The following MACROD1 variants were observed in gnomAD, a reference collection of about 807,000 sequenced individuals.
The protein encoded by MACROD1 is ADP-ribose glycohydrolase MACROD1.
MACROD1 carries 31 observed loss-of-function variants against 41.4 expected under a neutral mutation model. The ratio of observed to expected loss-of-function variants is 0.75; its 90% CI spans 0.56 to 1.01. The LOEUF is 1.01. MACROD1 is among the 50% of genes least tolerant of loss of function. The probability of loss-of-function intolerance (pLI) is 0.00; values close to 1 mark genes in which losing one functional copy is unlikely to be tolerated. For synonymous variants in MACROD1, 252 were observed against 203.4 expected (o/e 1.24, Z -2.03); for missense variants, 473 against 460.0 (o/e 1.03, Z -0.26).
intron 3 of MACROD1, among the ~76,000 whole-genome samples, chr11:64,089,803 C>T (rs139369562): frequency 2.0e-5 from 3 of 152,224 alleles, no homozygotes; most frequent in South Asian, 2.1e-4. Context: ...CTCCTAATGC[C>T]AGTCTCTGTG....
rs573826336 is a variant in MACROD1 at position 64,078,403 on chromosome 11, C to A, written c.518-63122G>T. Among the ~76,000 whole-genome samples, 3 of 152,352 alleles carry A rather than the reference C, an allele frequency of 2.0e-5. No homozygotes were observed. The South Asian group carries it at 6.2e-4, about 32-fold the overall frequency. ...AGGGGGCTGAACGGCTGCAGAATTA[C>A]AATATTAAATGCAGCTGCACCGAAA... On this transcript the variant is annotated intron_variant, in intron 3 of 10. Transcript: ENST00000255681.
intron 3 of MACROD1, among the ~76,000 whole-genome samples, chr11:64,060,157 T>C (rs1288887410): frequency 6.6e-6 from 1 of 152,248 alleles, no homozygotes; most frequent in East Asian, 1.9e-4. Flanking sequence ...TGAATGAATA[T>C]TTAAGGCGCG....
rs1175440566 is a variant in MACROD1, at chr11:64,036,862, C to T, written c.518-21581G>A. On this transcript the variant is annotated intron_variant, in intron 3 of 10. Transcript: ENST00000255681. The surrounding 1 kb of genome is among the most constrained non-coding windows in gnomAD (Gnocchi z 5.6). ...AAGGAGGCGGCCCGACCCGGCGGCG[C>T]ACGCCCCTCCTCGCGGGCACTGGAG... 6.6e-6 allele frequency among the ~76,000 whole-genome samples: 1 copy of T among 152,144 alleles called. No individual in the cohort carries two copies. The highest frequency in any genetic ancestry group is 1.5e-5 in the Non-Finnish European group (1 of 68,014).
At chr11:64,110,190 G>A (rs1458649343) in intron 3 of MACROD1, among the ~76,000 whole-genome samples, 1 of 152,114 alleles carries the variant, frequency 6.6e-6, no homozygotes, top group East Asian at 1.9e-4. Flanking sequence ...TGGCTCACGC[G>A]TATAATCTCA....
intron 3 of MACROD1, among the ~76,000 whole-genome samples, chr11:64,059,349 C>T (rs746230799): frequency 1.4e-4 from 21 of 152,274 alleles, no homozygotes; most frequent in Non-Finnish European, 2.6e-4. Flanking sequence ...GGAGGCGTTG[C>T]GGGCTTATCC....
At position 64,063,163 on chromosome 11, in the gene MACROD1, G is replaced by A. The variant is rs186178304; in HGVS notation, c.518-47882C>T. Reference sequence around the variant, plus strand: ...GGTGATCAAAGGCACAGATGCAGGAGCTGGGTGTGTTAAGGCTCTGTGCGC... The same window carrying A: ...GGTGATCAAAGGCACAGATGCAGGAACTGGGTGTGTTAAGGCTCTGTGCGC... On this transcript the variant is annotated intron_variant, in intron 3 of 10. Coordinates refer to ENST00000255681, the MANE Select transcript of MACROD1 (RefSeq NM_014067.4). Among the ~76,000 whole-genome samples the A allele has an allele frequency of 3.0e-3, 453 of 152,304 alleles. 5 individuals are homozygous for A. The highest frequency in any genetic ancestry group is 0.01 in the African/African-American group (419 of 41,556).
At chr11:64,000,940 C>A (rs1031485015) in intron 4 of MACROD1, among the ~76,000 whole-genome samples, 1 of 152,208 alleles carries the variant, frequency 6.6e-6, no homozygotes, top group African/African-American at 2.4e-5. Flanking sequence ...GTCTTCCAGC[C>A]GCGCGGGGAG....
chr11:64,034,881 T>G (rs1943344377), intron 3 of MACROD1, among the ~76,000 whole-genome samples: 1 of 152,054 alleles, frequency 6.6e-6, no homozygotes, highest in Non-Finnish European at 1.5e-5. Context: ...CAGGCCAGGC[T>G]GGGTATATGG....
At chr11:64,118,065 T>C in intron 3 of MACROD1, 1 of 1,612,976 alleles carries the variant, frequency 6.2e-7, no homozygotes, top group Non-Finnish European at 8.5e-7. Context: ...AAAGGATGAC[T>C]ATATGGAGTC....
intron 3 of MACROD1, among the ~76,000 whole-genome samples, chr11:64,075,435 T>C (rs983032527): frequency 6.6e-6 from 1 of 152,244 alleles, no homozygotes; most frequent in African/African-American, 2.4e-5. Flanking sequence ...ATTTTACAGA[T>C]GGAAGCAACC....
At chr11:64,103,263 G>A (rs900142046) in intron 3 of MACROD1, 1 of 152,150 alleles carries the variant, frequency 6.6e-6, no homozygotes, top group African/African-American at 2.4e-5. Flanking sequence ...AGTGAAGCGG[G>A]AATAACTCAT....
chr11:64,040,755 G>C (rs1399600424), intron 3 of MACROD1, among the ~76,000 whole-genome samples: 1 of 152,156 alleles, frequency 6.6e-6, no homozygotes, highest in Non-Finnish European at 1.5e-5. Context: ...GAATGTTCCC[G>C]GTGCAGGGAA....
chr11:64,144,576 A>G (rs1298961802), intron 3 of MACROD1, among the ~76,000 whole-genome samples: 1 of 152,204 alleles, frequency 6.6e-6, no homozygotes, highest in Admixed American at 6.5e-5. Context: ...GGCACCGGAA[A>G]GTGGCCCGGC....
At chr11:64,071,969 G>A (rs112129090) in intron 3 of MACROD1, among the ~76,000 whole-genome samples, 29 of 152,312 alleles carry the variant, frequency 1.9e-4, no homozygotes, top group African/African-American at 6.5e-4. Flanking sequence ...CTCAGCTGCC[G>A]AGGGGAACGG....
chr11:64,113,756 G>T (rs1052721683), intron 3 of MACROD1, among the ~76,000 whole-genome samples: 1 of 146,522 alleles, frequency 6.8e-6, no homozygotes, highest in African/African-American at 2.5e-5. Flanking sequence ...ATGGATGGAC[G>T]GACAGGTAAA....
At chr11:64,109,713 T>C (rs750139904) in intron 3 of MACROD1, among the ~76,000 whole-genome samples, 9 of 152,050 alleles carry the variant, frequency 5.9e-5, no homozygotes, top group Non-Finnish European at 1.3e-4. Context: ...AGGGGATGGT[T>C]GATGGCCCCA....
At chr11:64,060,498 C>A (rs1943878730) in intron 3 of MACROD1, 1 of 152,250 alleles carries the variant, frequency 6.6e-6, no homozygotes. Context: ...TCACAGATGC[C>A]TGGCGGCTCC....
At chr11:64,039,282 G>C (rs541827888) in intron 3 of MACROD1, among the ~76,000 whole-genome samples, 20 of 152,316 alleles carry the variant, frequency 1.3e-4, no homozygotes, top group African/African-American at 4.6e-4. Flanking sequence ...ATAGTGGGGT[G>C]GGTGGGGACT....
At chr11:64,119,430 C>G (rs530877252) in intron 3 of MACROD1, among the ~76,000 whole-genome samples, 11 of 152,328 alleles carry the variant, frequency 7.2e-5, no homozygotes, top group Non-Finnish European at 1.0e-4. Flanking sequence ...CTCCCTCCCC[C>G]ACCACGTGCA....
Sources: allele counts gnomAD v4.1 joint callset (sites outside exome capture counted in the v4.1 genomes callset), GRCh38; gene constraint gnomAD v4.1.1; non-coding constraint Gnocchi (gnomAD v3.1); transcripts MANE v1.5; gene names NCBI Gene and HGNC (gene_info 2026-07-23, HGNC 2026-07-21).